KICS2: variants seen among roughly 807,000 people sequenced by gnomAD.
KICS2 encodes the protein KICSTOR complex protein C12orf66.
Under a neutral mutation model 31.4 loss-of-function variants are expected in KICS2, and 13 were observed. The ratio of observed to expected loss-of-function variants is 0.41; its 90% CI spans 0.27 to 0.66. KICS2 has a LOEUF of 0.66. Ranked by LOEUF, KICS2 falls within the 30% of genes least tolerant of loss-of-function variation. KICS2 has a pLI of 0.28. For missense variants in KICS2, 455 were observed against 545.4 expected, an observed-to-expected ratio of 0.83 and a Z score of 1.65; for synonymous variants, 209 against 214.8, an observed-to-expected ratio of 0.97 and a Z score of 0.24.
chr12:64,208,770 T>A (rs114734850), intron 2 of KICS2, among the ~76,000 whole-genome samples: 1,754 of 152,306 alleles, frequency 0.012, 37 homozygotes, highest in African/African-American at 0.04. Flanking sequence ...AAATTATTAT[T>A]TAACAATTAA....
At position 64,215,680 on chromosome 12, in the gene KICS2, G is replaced by A. The variant is rs1260688614; in HGVS notation, c.519C>T (p.Ser173=). The change falls in exon 2 of 3, where the codon TCC becomes TCT. Residue 173 remains serine, a splice_region_variant and synonymous_variant. Coordinates refer to ENST00000398055, the MANE Select transcript of KICS2 (RefSeq NM_152440.5). The part of the protein sequence containing the change: ...LLDAIMKKYS[S]RFHHPILSPL... ...CCCTCCCTCCTCCCCACACTGACCT[G>A]GAGCTGTATTTTTTCATGATGGCAT... 1 of 1,612,170 alleles carries A rather than the reference G, an allele frequency of 6.2e-7. No individual in the cohort carries two copies. Among genetic ancestry groups the A allele is most frequent in the Admixed American group, 1.7e-5 (1 of 59,970 alleles).
chr12:64,186,892 C>T (rs566486800), downstream of KICS2: 5 of 152,352 alleles, frequency 3.3e-5, no homozygotes, highest in African/African-American at 1.2e-4. Flanking sequence ...TCACCTCTTT[C>T]CATCCACTTC....
intron 2 of KICS2, among the ~76,000 whole-genome samples, chr12:64,196,480 T>C (rs1472268818): frequency 1.3e-5 from 2 of 149,814 alleles, no homozygotes; most frequent in Non-Finnish European, 3.0e-5. Context: ...CAAAAGTAGA[T>C]AAAACCACAA....
downstream of KICS2, among the ~76,000 whole-genome samples, chr12:64,190,546 C>T (rs554564830): frequency 1.3e-5 from 2 of 152,136 alleles, no homozygotes; most frequent in African/African-American, 4.8e-5. Flanking sequence ...GGGAGGATCA[C>T]TTGAGCCCAG....
At chr12:64,202,002 C>T (rs1010275387) in intron 2 of KICS2, among the ~76,000 whole-genome samples, 1 of 152,228 alleles carries the variant, frequency 6.6e-6, no homozygotes, top group African/African-American at 2.4e-5. Flanking sequence ...CATTCCTATT[C>T]TTCTCACTTT....
At chr12:64,202,220 A>G (rs2037496986) in intron 2 of KICS2, among the ~76,000 whole-genome samples, 1 of 152,168 alleles carries the variant, frequency 6.6e-6, no homozygotes, top group Admixed American at 6.5e-5. Flanking sequence ...AGCCTGGGCA[A>G]CATGGAAAAA....
intron 1 of KICS2, among the ~76,000 whole-genome samples, chr12:64,217,851 A>AAAAGG (rs903012550): frequency 6.6e-6 from 1 of 150,706 alleles, no homozygotes; most frequent in African/African-American, 2.5e-5. Flanking sequence ...AGGAAGGAAG[A>AAAAGG]AAAGGAAAGG....
chr12:64,221,269 ATATT>A (rs1407615054), intron 1 of KICS2, among the ~76,000 whole-genome samples: 1 of 152,186 alleles, frequency 6.6e-6, no homozygotes, highest in African/African-American at 2.4e-5. Context: ...GGATTCAAAT[ATATT>A]TATTTGTCAT....
intron 2 of KICS2, among the ~76,000 whole-genome samples, chr12:64,210,932 T>C (rs921321967): frequency 6.6e-6 from 1 of 152,206 alleles, no homozygotes; most frequent in African/African-American, 2.4e-5. Flanking sequence ...TTCTCTTAGT[T>C]ACCCAATTTT....
chr12:64,187,770 A>G (rs2037349429), downstream of KICS2: 1 of 775,942 alleles, frequency 1.3e-6, no homozygotes, highest in Admixed American at 3.1e-5. Flanking sequence ...TAGTTTTCTT[A>G]CATTTTTACT....
chr12:64,204,603 A>G (rs2136697021), intron 2 of KICS2, among the ~76,000 whole-genome samples: 1 of 152,282 alleles, frequency 6.6e-6, no homozygotes, highest in East Asian at 1.9e-4. Flanking sequence ...CCTGGGCAAC[A>G]CAGTGAGACC....
intron 2 of KICS2, among the ~76,000 whole-genome samples, chr12:64,212,951 C>A (rs2037595680): frequency 6.6e-6 from 1 of 151,628 alleles, no homozygotes; most frequent in Admixed American, 6.6e-5. Flanking sequence ...ATTAGCCAGG[C>A]ATAGTGGTGC....
At chr12:64,187,778 A>G, downstream of KICS2, 1 of 713,152 alleles carries the variant, frequency 1.4e-6, no homozygotes, top group Non-Finnish European at 2.2e-6. Context: ...TTACATTTTT[A>G]CTTGAAAAAA....
intron 2 of KICS2, among the ~76,000 whole-genome samples, chr12:64,207,108 C>A (rs2037545732): frequency 6.6e-6 from 1 of 151,822 alleles, no homozygotes; most frequent in Admixed American, 6.6e-5. Context: ...CGTTCAAGAC[C>A]AGCCTGGGCA....
intron 2 of KICS2, among the ~76,000 whole-genome samples, chr12:64,195,690 C>T (rs1268520754): frequency 6.6e-6 from 1 of 152,192 alleles, no homozygotes; most frequent in Non-Finnish European, 1.5e-5. Context: ...TCTGAGGTAC[C>T]GGGTTCATCT....
intron 1 of KICS2, among the ~76,000 whole-genome samples, 200 bp from the exon 2 acceptor site, chr12:64,216,163 G>A (rs1340880886): frequency 6.7e-6 from 1 of 149,346 alleles, no homozygotes; most frequent in African/African-American, 2.5e-5. Context: ...AATACTTTAT[G>A]ATAATCATAA....
chr12:64,195,857 C>T (rs1483169965), intron 2 of KICS2, among the ~76,000 whole-genome samples: 3 of 152,238 alleles, frequency 2.0e-5, no homozygotes, highest in East Asian at 1.9e-4. Flanking sequence ...CCTGGAAAAT[C>T]GGGTCACTCC....
chr12:64,196,323 C>G (rs1386186922), intron 2 of KICS2, among the ~76,000 whole-genome samples: 1 of 149,250 alleles, frequency 6.7e-6, no homozygotes, highest in African/African-American at 2.5e-5. Flanking sequence ...CTGGGAGGCA[C>G]CCCCCAGCAG....
chr12:64,203,142 C>T (rs1019985298), intron 2 of KICS2, among the ~76,000 whole-genome samples: 24 of 152,298 alleles, frequency 1.6e-4, no homozygotes, highest in African/African-American at 5.8e-4. Flanking sequence ...CTCCTCTATT[C>T]GCTCCTTTGT....
Sources: gnomAD v4.1 joint callset for allele counts (sites outside exome capture counted in the v4.1 genomes callset) on GRCh38, gnomAD v4.1.1 for gene constraint, MANE v1.5 for transcripts, NCBI Gene and HGNC (gene_info 2026-07-23, HGNC 2026-07-21) for gene names.